The following SRFBP1 variants were observed in gnomAD, a reference collection of about 807,000 sequenced individuals.
SRFBP1 encodes serum response factor binding protein 1, also known as serum response factor-binding protein 1.
SRFBP1 carries 47 observed loss-of-function variants against 45.5 expected under a neutral mutation model. The ratio of observed to expected loss-of-function variants is 1.03; its 90% confidence interval spans 0.82 to 1.32. The LOEUF is 1.32. SRFBP1 is among the 40% of genes most tolerant of loss of function. The probability of loss-of-function intolerance (pLI) is 0.00; values close to 1 mark genes in which losing one functional copy is unlikely to be tolerated. For missense variants in SRFBP1, 621 were observed against 484.6 expected (o/e 1.28, Z -2.64); for synonymous variants, 203 against 166.3 (o/e 1.22, Z -1.70).
intron 3 of SRFBP1, among the ~76,000 whole-genome samples, chr5:121,989,745 A>G (rs1345053371): frequency 6.6e-6 from 1 of 152,184 alleles, no homozygotes; most frequent in East Asian, 1.9e-4. Flanking sequence ...ACAATTATAA[A>G]TCTGTATATT....
Position 122,074,006 on chromosome 5 carries a change from A to G in SRFBP1, n.312-1309A>G, listed in dbSNP as rs1754535737. ...TTGAGGTTCTGGATTTCAGGGTGCC[A>G]ACATACCTGTGTGTGTGCAGTACAT... On this transcript the variant is annotated intron_variant and non_coding_transcript_variant, in intron 2 of 2. Transcript: ENST00000504881. 2.5e-6 allele frequency: 4 copies of G among 1,609,812 alleles called. No homozygotes were observed. In the East Asian group the frequency reaches 8.9e-5, roughly 36 times the overall value.
chr5:122,077,309 G>T, downstream of SRFBP1: 1 of 1,611,566 alleles, frequency 6.2e-7, no homozygotes, highest in South Asian at 1.1e-5. The surrounding 1 kb of genome is among the most constrained non-coding windows in gnomAD (Gnocchi z 4.9). Flanking sequence ...CCACATAGCT[G>T]GGGACCAGGT....
At chr5:121,978,500 T>A (rs978125222) in intron 3 of SRFBP1, among the ~76,000 whole-genome samples, 2 of 152,194 alleles carry the variant, frequency 1.3e-5, no homozygotes, top group African/African-American at 4.8e-5. Context: ...TATTTCTTTT[T>A]TTTTTACTTG....
chr5:121,976,999 G>A (rs2112821025), intron 3 of SRFBP1, among the ~76,000 whole-genome samples: 1 of 151,968 alleles, frequency 6.6e-6, no homozygotes, highest in African/African-American at 2.4e-5. Context: ...CTTCCCTTTT[G>A]TAAATTTCAG....
intron 7 of SRFBP1, among the ~76,000 whole-genome samples, chr5:122,023,129 C>T (rs1403404036): frequency 1.3e-5 from 2 of 152,230 alleles, no homozygotes; most frequent in African/African-American, 4.8e-5. Context: ...AGAATTCAGT[C>T]ACATGACCCC....
In SRFBP1 at chr5:121,974,960, A is replaced by G. The variant is rs544129814; in HGVS notation, c.126-355A>G. On this transcript the variant is annotated intron_variant, in intron 2 of 7. Transcript: ENST00000339397. Reference sequence around the variant, plus strand: ...GAGCAAATTTTCATTTGATAAAATTATAGTCAAACTCTAATTGTAAATTAT... The same window carrying G: ...GAGCAAATTTTCATTTGATAAAATTGTAGTCAAACTCTAATTGTAAATTAT... 3.3e-5 allele frequency among the ~76,000 whole-genome samples: 5 copies of G among 152,022 alleles called. No homozygotes were observed. In the South Asian group the frequency reaches 8.3e-4, roughly 25 times the overall value.
downstream of SRFBP1, among the ~76,000 whole-genome samples, chr5:122,031,530 T>C (rs1753588105): frequency 6.6e-6 from 1 of 151,960 alleles, no homozygotes; most frequent in South Asian, 2.1e-4. Context: ...AATAATGAGA[T>C]AGAAATTACG....
At chr5:122,008,442 A>G (rs935177343) in intron 4 of SRFBP1, among the ~76,000 whole-genome samples, 1 of 152,072 alleles carries the variant, frequency 6.6e-6, no homozygotes, top group African/African-American at 2.4e-5. Flanking sequence ...CAGGCAAAGT[A>G]TAGTGCTCAC....
At chr5:122,023,241 G>C (rs1414796870) in intron 7 of SRFBP1, among the ~76,000 whole-genome samples, 1 of 152,178 alleles carries the variant, frequency 6.6e-6, no homozygotes, top group African/African-American at 2.4e-5. Context: ...CCAGTGACCA[G>C]ACTTTCTATC....
intron 2 of SRFBP1, among the ~76,000 whole-genome samples, chr5:122,058,744 G>A (rs1488152985): frequency 2.0e-5 from 3 of 152,064 alleles, no homozygotes; most frequent in Non-Finnish European, 2.9e-5. Flanking sequence ...CTCTCATGTT[G>A]TTGGGGCATT....
rs1225842757 is a variant in SRFBP1 at position 122,075,552 on chromosome 5, G to GA, written n.555dup. On this transcript the variant is annotated non_coding_transcript_exon_variant, in exon 3 of 3. Coordinates refer to the SRFBP1 transcript ENST00000504881. ...GCCCTGTATGCTGTACTGTGATTTT[G>GA]AAAAAAGAAAAATTATTATATTCAT... 1 of 1,524,652 alleles carries GA rather than the reference G, an allele frequency of 6.6e-7. No homozygotes were observed. The highest frequency in any genetic ancestry group is 1.4e-5 in the African/African-American group (1 of 71,290). 94.4% of individuals were successfully genotyped at this position (1,524,652 alleles called of 1,614,324 possible).
chr5:122,074,229 T>C (rs1298093547), intron 2 of SRFBP1: 2 of 1,434,634 alleles, frequency 1.4e-6, no homozygotes, highest in Admixed American at 1.8e-5. Context: ...GCAATGAAGA[T>C]ATTAAATGAC....
rs546097718 is a variant in SRFBP1 at position 121,985,582 on chromosome 5, G to A, written c.199-9017G>A. 2.0e-3 allele frequency among the ~76,000 whole-genome samples: 306 copies of A among 151,866 alleles called. 12 individuals are homozygous for A. The South Asian group carries it at 0.062, about 31-fold the overall frequency. On this transcript the variant is annotated intron_variant, in intron 3 of 7. Transcript: ENST00000339397. Reference sequence around the variant, plus strand: ...TCTCTGCCATTGTTCCTGCACAGGGGCAGTGTTTACTGACATGTCTGGTTT... The same window carrying A: ...TCTCTGCCATTGTTCCTGCACAGGGACAGTGTTTACTGACATGTCTGGTTT...
At chr5:122,004,872 T>G (rs186192307) in intron 4 of SRFBP1, among the ~76,000 whole-genome samples, 45 of 152,296 alleles carry the variant, frequency 3.0e-4, no homozygotes, top group Non-Finnish European at 5.4e-4. Flanking sequence ...TCAAGATACT[T>G]TTTAATTTTC....
At chr5:122,048,746 A>G (rs1753912031) in intron 2 of SRFBP1, among the ~76,000 whole-genome samples, 1 of 152,100 alleles carries the variant, frequency 6.6e-6, no homozygotes, top group Non-Finnish European at 1.5e-5. Flanking sequence ...CTTTTCAGAG[A>G]TTCAACTTCT....
chr5:122,077,777 C>T (rs1288155606), downstream of SRFBP1: 4 of 1,548,852 alleles, frequency 2.6e-6, no homozygotes, highest in African/African-American at 2.7e-5. The surrounding 1 kb of genome is among the most constrained non-coding windows in gnomAD (Gnocchi z 4.9). Flanking sequence ...GCCCGGGTCC[C>T]GGCGGCGCTG....
chr5:122,062,037 A>G (rs999007428), intron 2 of SRFBP1, among the ~76,000 whole-genome samples: 5 of 151,958 alleles, frequency 3.3e-5, no homozygotes, highest in African/African-American at 1.2e-4. Flanking sequence ...AAGACTCGTG[A>G]CAAAACAAAT....
rs990698738 is a variant in SRFBP1 at position 121,975,286 on chromosome 5, G to A, written c.126-29G>A. On this transcript the variant is annotated intron_variant, in intron 2 of 7. Coordinates refer to ENST00000339397, the MANE Select transcript of SRFBP1 (RefSeq NM_152546.3). The stretch of plus-strand genomic sequence containing the variant: ...TAAGTCTAAAATTAATGCTTTGCCT[G>A]GCTACATATCGTAATGTATTTTTTG... 4 of 1,607,908 alleles carry A rather than the reference G, an allele frequency of 2.5e-6. No homozygotes were observed. The South Asian group carries it at 4.4e-5, about 18-fold the overall frequency.
chr5:122,077,837 T>C, downstream of SRFBP1: 1 of 1,552,910 alleles, frequency 6.4e-7, no homozygotes, highest in South Asian at 1.2e-5. This position sits in a 1 kb window ranked among gnomAD's most constrained non-coding sequence, Gnocchi z 4.9. Context: ...CTGCCCGTTG[T>C]TCTCCCATTG....
Sources: gnomAD v4.1 joint callset for allele counts (sites outside exome capture counted in the v4.1 genomes callset) on GRCh38, gnomAD v4.1.1 for gene constraint, Gnocchi (gnomAD v3.1) non-coding constraint, MANE v1.5 for transcripts, NCBI Gene and HGNC (gene_info 2026-07-23, HGNC 2026-07-21) for gene names.